TBC1D22A: variants seen among roughly 807,000 people sequenced by gnomAD.
TBC1D22A encodes TBC1 domain family member 22A.
Under a neutral mutation model 60.2 loss-of-function variants are expected in TBC1D22A, and 38 were observed. That is an observed-to-expected ratio of 0.63 (90% CI 0.49 to 0.83). The LOEUF is 0.83. Among genes scored for constraint, TBC1D22A ranks in the 40% least tolerant of loss-of-function variants. The probability of loss-of-function intolerance (pLI) is 0.00; values close to 1 mark genes in which losing one functional copy is unlikely to be tolerated. For missense variants in TBC1D22A, 628 were observed against 701.0 expected (o/e 0.90, Z 1.18); for synonymous variants, 302 against 281.7 (o/e 1.07, Z -0.72).
chr22:46,790,057 C>T lies in TBC1D22A; in HGVS notation c.63-2463C>T, dbSNP rs575520053. 7.2e-5 allele frequency among the ~76,000 whole-genome samples: 11 copies of T among 152,358 alleles called. No individual in the cohort carries two copies. The East Asian group carries it at 9.6e-4, about 13-fold the overall frequency. On this transcript the variant is annotated intron_variant, in intron 1 of 12. Coordinates refer to ENST00000337137, the MANE Select transcript of TBC1D22A (RefSeq NM_014346.5). Reference sequence around the variant, plus strand: ...GACTGCTCTAGCAAATCATCACAAACTTACTGGCTTACAGCAAACATGGTA... The same window carrying T: ...GACTGCTCTAGCAAATCATCACAAATTTACTGGCTTACAGCAAACATGGTA...
chr22:46,770,925 A>T (rs114617072), intron 1 of TBC1D22A, among the ~76,000 whole-genome samples: 1,802 of 152,044 alleles, frequency 0.012, 39 homozygotes, highest in African/African-American at 0.042. Context: ...CTTGTTTGTG[A>T]GTGGAGATGA....
At position 46,990,155 on chromosome 22, in the gene TBC1D22A, C is replaced by A. The variant is rs1380171005; in HGVS notation, c.1126-7479C>A. Among the ~76,000 whole-genome samples the A allele has an allele frequency of 1.3e-5, 2 of 152,218 alleles. No individual in the cohort carries two copies. The highest frequency in any genetic ancestry group is 3.8e-4 in the East Asian group (2 of 5,200). ...AACTCTTATAGATAGTTTATTCTTG[C>A]AACTTGCTTTCTTAACTTTTTAGTG... On this transcript the variant is annotated intron_variant, in intron 9 of 12. Coordinates refer to ENST00000337137, the MANE Select transcript of TBC1D22A (RefSeq NM_014346.5). The surrounding 1 kb of genome is among the most constrained non-coding windows in gnomAD (Gnocchi z 4.6).
intron 8 of TBC1D22A, among the ~76,000 whole-genome samples, chr22:46,955,479 C>G (rs1251989697): frequency 6.6e-6 from 1 of 152,216 alleles, no homozygotes; most frequent in African/African-American, 2.4e-5. Context: ...TTGAAAACAA[C>G]CTATGCTACT....
At chr22:46,846,489 C>T (rs1400001663) in intron 4 of TBC1D22A, among the ~76,000 whole-genome samples, 2 of 152,180 alleles carry the variant, frequency 1.3e-5, no homozygotes, top group Admixed American at 6.5e-5. Flanking sequence ...AGGCTCTGCT[C>T]CTCGGGAAAT....
intron 10 of TBC1D22A, among the ~76,000 whole-genome samples, chr22:47,036,198 A>C (rs1392650020): frequency 6.6e-6 from 1 of 152,160 alleles, no homozygotes; most frequent in Admixed American, 6.5e-5. Context: ...AGGATCCACT[A>C]TCCGGCTCAA....
At chr22:47,138,283 A>G (rs2066948952) in intron 12 of TBC1D22A, among the ~76,000 whole-genome samples, 1 of 152,206 alleles carries the variant, frequency 6.6e-6, no homozygotes, top group Non-Finnish European at 1.5e-5. Flanking sequence ...AAGGATGCAC[A>G]GACCCCACCC....
At chr22:47,164,041 C>T (rs2068098587) in intron 12 of TBC1D22A, among the ~76,000 whole-genome samples, 1 of 152,248 alleles carries the variant, frequency 6.6e-6, no homozygotes, top group South Asian at 2.1e-4. Context: ...CGCCAGGTAA[C>T]AGAGCTGAGC....
chr22:47,067,165 CTGAGG>C (rs1290215409), intron 11 of TBC1D22A, among the ~76,000 whole-genome samples: 3 of 152,180 alleles, frequency 2.0e-5, no homozygotes. Flanking sequence ...ACTCAGGAGG[CTGAGG>C]CACGAGAATC....
intron 9 of TBC1D22A, among the ~76,000 whole-genome samples, chr22:46,988,964 C>T (rs531925596): frequency 2.6e-5 from 4 of 152,226 alleles, no homozygotes; most frequent in South Asian, 4.1e-4. Flanking sequence ...TAGCCACCTT[C>T]GTCAGTTATC....
chr22:46,856,101 G>C (rs2087555476), intron 4 of TBC1D22A, among the ~76,000 whole-genome samples: 1 of 152,170 alleles, frequency 6.6e-6, no homozygotes, highest in Admixed American at 6.5e-5. Flanking sequence ...TGTTCCGGGG[G>C]CTTCTAAAGG....
intron 8 of TBC1D22A, among the ~76,000 whole-genome samples, chr22:46,939,019 A>G (rs1312476602): frequency 1.3e-5 from 2 of 151,954 alleles, no homozygotes; most frequent in Non-Finnish European, 2.9e-5. Context: ...TATGTTACCC[A>G]TATGATTGCA....
At chr22:46,943,250 C>T (rs2072290129) in intron 8 of TBC1D22A, among the ~76,000 whole-genome samples, 1 of 152,146 alleles carries the variant, frequency 6.6e-6, no homozygotes, top group African/African-American at 2.4e-5. Flanking sequence ...AATGAGCCTC[C>T]TCTCCCACTC....
At chr22:46,925,815 G>T (rs958375803) in intron 8 of TBC1D22A, among the ~76,000 whole-genome samples, 4 of 152,210 alleles carry the variant, frequency 2.6e-5, no homozygotes, top group African/African-American at 9.6e-5. Flanking sequence ...AAACCAACTA[G>T]ATCTAGTAGA....
chr22:47,130,534 G>T (rs534314611), intron 12 of TBC1D22A, among the ~76,000 whole-genome samples: 1 of 152,328 alleles, frequency 6.6e-6, no homozygotes, highest in East Asian at 1.9e-4. Context: ...CGCAGGCTTC[G>T]CGGGAATTTG....
At chr22:46,800,534 TG>T (rs1209016162) in intron 4 of TBC1D22A, among the ~76,000 whole-genome samples, 1 of 152,138 alleles carries the variant, frequency 6.6e-6, no homozygotes, top group Non-Finnish European at 1.5e-5. Flanking sequence ...CCGGGCTGCC[TG>T]TGTGGAGAGC....
In TBC1D22A at chr22:46,938,728, G is replaced by T. The variant is rs151070148; in HGVS notation, c.1015+26540G>T. Among the ~76,000 whole-genome samples the T allele has an allele frequency of 3.1e-3, 471 of 152,048 alleles. 4 individuals are homozygous for T. The highest frequency in any genetic ancestry group is 0.01 in the African/African-American group (430 of 41,468). On this transcript the variant is annotated intron_variant, in intron 8 of 12. Transcript: ENST00000337137. ...AGCCTGCAGGGTAGCTGGGATTACAGGCACCTGCCACCATGCCTGGCTAAT... is the reference window on the plus strand; with the variant it reads ...AGCCTGCAGGGTAGCTGGGATTACATGCACCTGCCACCATGCCTGGCTAAT...
chr22:47,063,808 T>C (rs906340497), intron 11 of TBC1D22A, among the ~76,000 whole-genome samples: 1 of 152,192 alleles, frequency 6.6e-6, no homozygotes, highest in Non-Finnish European at 1.5e-5. Context: ...CCAGTCATCC[T>C]CGGCATTCCT....
chr22:46,825,299 G>A (rs913046219), intron 4 of TBC1D22A, among the ~76,000 whole-genome samples: 1 of 152,128 alleles, frequency 6.6e-6, no homozygotes, highest in Admixed American at 6.5e-5. Flanking sequence ...CCGTGCCCAT[G>A]CCTGTGCTGT....
intron 7 of TBC1D22A, among the ~76,000 whole-genome samples, chr22:46,896,313 C>G (rs908396778): frequency 6.6e-6 from 1 of 152,102 alleles, no homozygotes; most frequent in Non-Finnish European, 1.5e-5. Context: ...TGCAGCTTTT[C>G]TCTTCCTTTT....
Sources: gnomAD v4.1 joint callset for allele counts (sites outside exome capture counted in the v4.1 genomes callset) on GRCh38, gnomAD v4.1.1 for gene constraint, Gnocchi (gnomAD v3.1) non-coding constraint, MANE v1.5 for transcripts, NCBI Gene and HGNC (gene_info 2026-07-23, HGNC 2026-07-21) for gene names.